The following LCOR variants were observed in gnomAD, a reference collection of about 807,000 sequenced individuals.
LCOR encodes the protein ligand-dependent corepressor.
Under a neutral mutation model 64.4 loss-of-function variants are expected in LCOR, and 14 were observed. That is an observed-to-expected ratio of 0.22 (90% CI 0.14 to 0.34). The LOEUF (loss-of-function observed/expected upper bound fraction) is 0.34. LCOR is among the 10% of genes least tolerant of loss of function. The probability of loss-of-function intolerance (pLI) is 1.00; values close to 1 mark genes in which losing one functional copy is unlikely to be tolerated. For synonymous variants in LCOR, 643 were observed against 642.5 expected, an observed-to-expected ratio of 1.00 and a Z score of -0.01; for missense variants, 1,686 against 1,765.3, an observed-to-expected ratio of 0.96 and a Z score of 0.80.
At chr10:96,897,101 CA>C (rs370380714) in intron 2 of LCOR, among the ~76,000 whole-genome samples, 1,229 of 78,806 alleles carry the variant, frequency 0.016, 4 homozygotes, top group Middle Eastern at 0.029. Flanking sequence ...GAAAGAAAAG[CA>C]AAAAAAAAAA....
chr10:96,941,025 A>AT (rs1847452497), intron 4 of LCOR, among the ~76,000 whole-genome samples: 1 of 70,624 alleles, frequency 1.4e-5, no homozygotes, highest in African/African-American at 7.0e-5. Context: ...CGGGGGGCTG[A>AT]CCCCCCCACC....
chr10:96,918,433 G>T (rs1457078004), intron 4 of LCOR, among the ~76,000 whole-genome samples: 1 of 152,186 alleles, frequency 6.6e-6, no homozygotes, highest in East Asian at 1.9e-4. Context: ...TGATGAATAT[G>T]TGGGTGTTGG....
chr10:96,868,297 T>C (rs1846012077), intron 2 of LCOR, among the ~76,000 whole-genome samples: 1 of 148,700 alleles, frequency 6.7e-6, no homozygotes, highest in African/African-American at 2.5e-5. Context: ...TTTTTTGAGA[T>C]GGAGTCTTGC....
Position 96,984,916 on chromosome 10 carries a change from A to G in LCOR, c.4456A>G (p.Ile1486Val), listed in dbSNP as rs768388419. The G allele has an allele frequency of 2.0e-5, 32 of 1,613,858 alleles. No homozygotes were observed. The highest frequency in any genetic ancestry group is 1.8e-4 in the East Asian group (8 of 44,898). ...ENTNKRPSQS[I>V]ASETLTKPAK... ...TACAAACAAAAGGCCTTCCCAGTCTATTGCCTCGGAAACACTGACGAAACC... is the reference window on the plus strand; with the variant it reads ...TACAAACAAAAGGCCTTCCCAGTCTGTTGCCTCGGAAACACTGACGAAACC... The change falls in exon 8 of 8, where the codon ATT becomes GTT. Residue 1486 changes from isoleucine to valine, a missense_variant. Ile to Val is a conservative substitution (Grantham distance 29). Coordinates refer to ENST00000421806, the MANE Select transcript of LCOR (RefSeq NM_001346516.2).
At chr10:96,856,144 C>T (rs4431964) in intron 2 of LCOR, among the ~76,000 whole-genome samples, 8 of 151,386 alleles carry the variant, frequency 5.3e-5, no homozygotes, top group East Asian at 4.0e-4. Context: ...AATCTCACCT[C>T]GCTGCAACCT....
chr10:96,928,972 CT>C (rs1363526835), intron 4 of LCOR, among the ~76,000 whole-genome samples: 1 of 152,134 alleles, frequency 6.6e-6, no homozygotes, highest in Non-Finnish European at 1.5e-5. Context: ...AGCAGTATGT[CT>C]TAACTGGGGA....
At chr10:96,971,065 TTGTTCTGGATTGCTGTTGAAAACCTAG>T (rs1265603855) in intron 7 of LCOR, among the ~76,000 whole-genome samples, 1 of 152,232 alleles carries the variant, frequency 6.6e-6, no homozygotes. Context: ...AAAGTATTTC[TTGTTCTGGATTGCTGTTGAAAACCTAG>T]TGGTGTTTTA....
intron 4 of LCOR, among the ~76,000 whole-genome samples, chr10:96,938,817 TATAAA>T (rs1267080393): frequency 5.9e-5 from 9 of 152,236 alleles, no homozygotes; most frequent in East Asian, 3.9e-4. Flanking sequence ...TAGGAATAAA[TATAAA>T]AGAAATATAA....
chr10:96,849,056 A>ATT (rs1845681617), intron 2 of LCOR, among the ~76,000 whole-genome samples: 1 of 107,828 alleles, frequency 9.3e-6, no homozygotes, highest in Non-Finnish European at 1.9e-5. Context: ...CACCTGGCTA[A>ATT]TTGTCTTTTT....
At chr10:96,968,961 T>C (rs536941074) in intron 7 of LCOR, among the ~76,000 whole-genome samples, 3 of 152,116 alleles carry the variant, frequency 2.0e-5, no homozygotes, top group East Asian at 1.9e-4. Flanking sequence ...TTCAGCGTTT[T>C]CACTTGCTTA....
chr10:96,957,982 GAAATA>G lies in LCOR; in HGVS notation c.332+5787_332+5791del. ...GGAAGTTGCAATAAAAATTCCTTAT[GAAATA>G]TATGGTTTTCATCTGTAATTGAAGG... On this transcript the variant is annotated intron_variant, in intron 7 of 7. Coordinates refer to ENST00000421806, the MANE Select transcript of LCOR (RefSeq NM_001346516.2). 3.0e-6 allele frequency: 3 copies of G among 989,864 alleles called. No individual in the cohort carries two copies. In the African/African-American group the frequency reaches 5.2e-5, roughly 17 times the overall value. 61.3% of individuals were successfully genotyped at this position (989,864 alleles called of 1,614,324 possible).
chr10:96,892,009 G>A (rs986191319), intron 2 of LCOR, among the ~76,000 whole-genome samples: 1 of 152,106 alleles, frequency 6.6e-6, no homozygotes, highest in Non-Finnish European at 1.5e-5. Context: ...GTTTTTTTGT[G>A]GTCTAACGTG....
At chr10:96,872,350 C>T (rs1219185617) in intron 2 of LCOR, among the ~76,000 whole-genome samples, 1 of 152,222 alleles carries the variant, frequency 6.6e-6, no homozygotes, top group African/African-American at 2.4e-5. Context: ...TCAGGGTGAC[C>T]TGAACTGAGT....
chr10:96,855,596 G>A (rs1220868295), intron 2 of LCOR, among the ~76,000 whole-genome samples: 1 of 151,648 alleles, frequency 6.6e-6, no homozygotes, highest in Non-Finnish European at 1.5e-5. Context: ...CACCATACTT[G>A]GCTAATGTTT....
intron 2 of LCOR, among the ~76,000 whole-genome samples, chr10:96,865,954 A>C (rs142822000): frequency 1.1e-4 from 16 of 151,996 alleles, no homozygotes; most frequent in Non-Finnish European, 1.9e-4. Flanking sequence ...TTTTCTGGCC[A>C]ATCTCTTACT....
rs141096868 is a variant in LCOR at position 96,983,731 on chromosome 10, G to A, written c.3271G>A (p.Val1091Met). Residue 1091 changes from valine (V) to methionine (M), a missense_variant, in exon 8 of 8, where the codon GTG (valine) becomes ATG (methionine). Coordinates refer to ENST00000421806, the MANE Select transcript of LCOR (RefSeq NM_001346516.2). The surrounding 1 kb of genome is among the most constrained non-coding windows in gnomAD (Gnocchi z 4.5). ...DPLDEDDVDT[V>M]VDEQPKFMEW... Reference sequence around the variant, plus strand: ...CCTAGATGAGGACGATGTTGACACCGTGGTAGATGAACAGCCAAAGTTTAT... The same window carrying A: ...CCTAGATGAGGACGATGTTGACACCATGGTAGATGAACAGCCAAAGTTTAT... 3.9e-4 allele frequency: 634 copies of A among 1,614,056 alleles called. 1 individual carries two copies. The highest frequency in any genetic ancestry group is 4.0e-4 in the Non-Finnish European group (473 of 1,180,036).
chr10:96,865,273 A>T (rs1181219244), intron 2 of LCOR, among the ~76,000 whole-genome samples: 1 of 136,936 alleles, frequency 7.3e-6, no homozygotes, highest in Non-Finnish European at 1.5e-5. Flanking sequence ...AGGCTGTTTT[A>T]AAAAAAATTA....
At chr10:96,895,309 C>A (rs1056171033) in intron 2 of LCOR, among the ~76,000 whole-genome samples, 1 of 152,126 alleles carries the variant, frequency 6.6e-6, no homozygotes, top group African/African-American at 2.4e-5. Context: ...GTTCACAGAC[C>A]AAAAGTGTAA....
chr10:96,842,667 G>A (rs1480320518), intron 2 of LCOR, among the ~76,000 whole-genome samples: 3 of 138,316 alleles, frequency 2.2e-5, no homozygotes, highest in Non-Finnish European at 4.5e-5. Flanking sequence ...GTCTGGCTCC[G>A]TCACCCAGGC....
Sources: allele counts gnomAD v4.1 joint callset (sites outside exome capture counted in the v4.1 genomes callset), GRCh38; gene constraint gnomAD v4.1.1; non-coding constraint Gnocchi (gnomAD v3.1); transcripts MANE v1.5; gene names NCBI Gene and HGNC (gene_info 2026-07-23, HGNC 2026-07-21).